Variants in FRMPD4 observed in about 807,000 individuals in gnomAD.
FRMPD4 encodes FERM and PDZ domain-containing protein 4.
A neutral mutation model predicts 94.1 loss-of-function variants in FRMPD4; 22 were observed. The observed-to-expected ratio is 0.23, with a 90% CI of 0.17 to 0.33. FRMPD4 has a LOEUF of 0.33. FRMPD4 is among the 10% of genes least tolerant of loss of function. The pLI is 1.00. For synonymous variants in FRMPD4, 631 were observed against 548.6 expected, an observed-to-expected ratio of 1.15 and a Z score of -2.10; for missense variants, 1,111 against 1,339.9, an observed-to-expected ratio of 0.83 and a Z score of 2.67.
intron 4 of FRMPD4, among the ~76,000 whole-genome samples, chrX:12,656,001 A>G (rs182383016): frequency 8.9e-6 from 1 of 112,338 alleles, no homozygotes; most frequent in African/African-American, 3.2e-5. Flanking sequence ...ACATTACTGT[A>G]AGACATTCTT....
At chrX:12,013,265 C>T (rs1396701673) in intron 3 of FRMPD4, among the ~76,000 whole-genome samples, 1 of 112,106 alleles carries the variant, frequency 8.9e-6, no homozygotes, top group Non-Finnish European at 1.9e-5. Context: ...ATTGTACCTT[C>T]CCTCCATTAT....
chrX:12,279,875 G>A (rs1368012268), intron 1 of FRMPD4, among the ~76,000 whole-genome samples: 1 of 110,983 alleles, frequency 9.0e-6, no homozygotes, highest in African/African-American at 3.3e-5. Context: ...CATGAACACT[G>A]ACTCTGGAAA....
chrX:11,960,752 A>G (rs1314300249), intron 3 of FRMPD4, among the ~76,000 whole-genome samples: 1 of 111,890 alleles, frequency 8.9e-6, no homozygotes, highest in African/African-American at 3.3e-5. Context: ...GTATGTATAT[A>G]TCTGCTACCT....
In FRMPD4 at chrX:12,066,883, T is replaced by G. The variant is rs191841610; in HGVS notation, c.95+188865T>G. On this transcript the variant is annotated intron_variant, in intron 3 of 18. Coordinates refer to the FRMPD4 transcript ENST00000640291. ...GTTTTTTGTTTTTGTTTTTGTTTTT[T>G]TTTTGAGACATAGCCTCACTCCATC... Among the ~76,000 whole-genome samples the G allele has an allele frequency of 1.3e-3, 137 of 106,136 alleles. 1 individual carries two copies. The highest frequency in any genetic ancestry group is 9.8e-3 in the Middle Eastern group (2 of 204). The allele number at this position is 106,136 out of a possible 115,157, so 92.2% of individuals were successfully genotyped here.
At chrX:12,555,821 G>A (rs911932140) in intron 2 of FRMPD4, among the ~76,000 whole-genome samples, 1 of 112,221 alleles carries the variant, frequency 8.9e-6, no homozygotes, top group African/African-American at 3.2e-5. Context: ...TAACTATACT[G>A]TAATTGGAAA....
chrX:12,076,560 A>AAATC lies in FRMPD4; in HGVS notation c.95+198543_95+198544insATCA, dbSNP rs199601162. ...TGGCAGCTTAAGAGTCCTAGTTGAA[A>AAATC]ACTACAGATGATCAAATAAATACCT... is the stretch of plus-strand genomic sequence containing the variant. On this transcript the variant is annotated intron_variant, in intron 3 of 18. Transcript: ENST00000640291. Among the ~76,000 whole-genome samples the AAATC allele has an allele frequency of 2.1e-3, 228 of 110,823 alleles. 1 individual carries two copies. The highest frequency in any genetic ancestry group is 6.4e-3 in the African/African-American group (195 of 30,433).
At chrX:12,082,807 C>A (rs983624182) in intron 3 of FRMPD4, among the ~76,000 whole-genome samples, 1 of 111,668 alleles carries the variant, frequency 9.0e-6, no homozygotes, top group East Asian at 2.8e-4. Context: ...AAGAGACTAG[C>A]GGCATTTTCC....
intron 1 of FRMPD4, among the ~76,000 whole-genome samples, chrX:12,446,719 G>A (rs1424867285): frequency 8.9e-6 from 1 of 111,831 alleles, no homozygotes; most frequent in Non-Finnish European, 1.9e-5. Context: ...TGATGGTGAG[G>A]CTTCCCCAGC....
At chrX:12,305,628 G>C (rs1233070085) in intron 1 of FRMPD4, among the ~76,000 whole-genome samples, 1 of 106,173 alleles carries the variant, frequency 9.4e-6, no homozygotes, top group Non-Finnish European at 1.9e-5. Context: ...CACAATCAGA[G>C]CTCTCTGCAG....
At chrX:12,050,588 C>A (rs764185062) in intron 3 of FRMPD4, among the ~76,000 whole-genome samples, 1 of 111,639 alleles carries the variant, frequency 9.0e-6, no homozygotes, top group African/African-American at 3.2e-5. Flanking sequence ...TTTCAAAGAA[C>A]AAAATTTGGT....
chrX:11,977,538 A>T (rs1390931767), intron 3 of FRMPD4, among the ~76,000 whole-genome samples: 1 of 112,760 alleles, frequency 8.9e-6, no homozygotes, highest in African/African-American at 3.2e-5. Flanking sequence ...ATTTTGAGCC[A>T]AATGTGAGTG....
At chrX:12,430,374 G>GT (rs913045480) in intron 1 of FRMPD4, among the ~76,000 whole-genome samples, 1 of 112,293 alleles carries the variant, frequency 8.9e-6, no homozygotes, top group African/African-American at 3.2e-5. Context: ...CTCTTGGCAG[G>GT]TAGCCCTGCC....
intron 3 of FRMPD4, among the ~76,000 whole-genome samples, chrX:12,129,562 C>T (rs1400771950): frequency 9.0e-6 from 1 of 111,658 alleles, no homozygotes; most frequent in Non-Finnish European, 1.9e-5. Context: ...CTCCTGTTTC[C>T]CAGCCCCATA....
intron 3 of FRMPD4, among the ~76,000 whole-genome samples, chrX:11,927,540 C>T (rs766830645): frequency 1.8e-5 from 2 of 111,699 alleles, no homozygotes; most frequent in Non-Finnish European, 3.8e-5. Flanking sequence ...GGTACTAGTA[C>T]AAAAACAGAC....
chrX:11,925,077 CA>C, intron 3 of FRMPD4, among the ~76,000 whole-genome samples: 2 of 103,973 alleles, frequency 1.9e-5, no homozygotes, highest in South Asian at 8.5e-4. Context: ...AAATGGAAAA[CA>C]AAAAAAGCAG....
At position 12,686,394 on chromosome X, in the gene FRMPD4, C is replaced by T. The variant is rs193277241; in HGVS notation, c.681+190C>T. On this transcript the variant is annotated intron_variant, in intron 7 of 16. Transcript: ENST00000675598. ...AAGCCAAAAGCTTAAACCAAGAAGG[C>T]TCTGCTCTTTTATTTCTCTTGGTGT... is the stretch of plus-strand genomic sequence containing the variant. Among the ~76,000 whole-genome samples, 293 of 112,234 alleles carry T rather than the reference C, an allele frequency of 2.6e-3. 2 individuals carry two copies. Among genetic ancestry groups the T allele is most frequent in the African/African-American group, 8.9e-3 (276 of 30,975 alleles).
intron 2 of FRMPD4, among the ~76,000 whole-genome samples, chrX:12,562,513 A>G (rs2058669219): frequency 8.9e-6 from 1 of 112,807 alleles, no homozygotes; most frequent in African/African-American, 3.2e-5. Context: ...CTCAGTGTGA[A>G]GTAATTTTAG....
At chrX:12,657,402 C>T (rs2059668871) in intron 4 of FRMPD4, among the ~76,000 whole-genome samples, 1 of 112,104 alleles carries the variant, frequency 8.9e-6, no homozygotes, top group Non-Finnish European at 1.9e-5. Context: ...GTGTGGGCCT[C>T]TCCAAAGGGC....
At chrX:12,305,747 T>TTTTTTTTTTTTG (rs1569225517) in intron 1 of FRMPD4, among the ~76,000 whole-genome samples, 1 of 91,699 alleles carries the variant, frequency 1.1e-5, no homozygotes, top group Admixed American at 1.3e-4. Flanking sequence ...TTTTTTTTTT[T>TTTTTTTTTTTTG]ACAGAGACAG....
Sources: allele counts gnomAD v4.1 joint callset (sites outside exome capture counted in the v4.1 genomes callset), GRCh38; gene constraint gnomAD v4.1.1; transcripts MANE v1.5; gene names NCBI Gene and HGNC (gene_info 2026-07-23, HGNC 2026-07-21).